Variants in DNAH5 observed in about 807,000 individuals in gnomAD.
DNAH5 encodes the protein axonemal beta dynein heavy chain 5.
In DNAH5, 372 loss-of-function variants were observed where a neutral mutation model predicts 518.2. The observed-to-expected ratio is 0.72, with a 90% confidence interval of 0.66 to 0.78. The LOEUF is 0.78. Among genes scored for constraint, DNAH5 ranks in the 30% least tolerant of loss-of-function variants. The pLI is 0.00. For missense variants in DNAH5, 5,523 were observed against 5,687.0 expected (o/e 0.97, Z 0.93); for synonymous variants, 2,039 against 2,025.9 (o/e 1.01, Z -0.17).
At chr5:13,915,211 T>A (rs6874270) in intron 9 of DNAH5, among the ~76,000 whole-genome samples, 2 of 151,952 alleles carry the variant, frequency 1.3e-5, no homozygotes, top group South Asian at 4.1e-4. Context: ...GCTGTATCCA[T>A]GGAAAGATAT....
intron 46 of DNAH5, 103 bp from the exon 47 acceptor site, chr5:13,807,828 C>T: frequency 3.1e-6 from 3 of 974,770 alleles, no homozygotes. Flanking sequence ...ACCCCTAGTA[C>T]CTTAAAATGT....
intron 3 of DNAH5, among the ~76,000 whole-genome samples, chr5:13,927,423 G>C (rs1043531356): frequency 5.3e-5 from 8 of 152,142 alleles, no homozygotes; most frequent in Admixed American, 6.6e-5. Context: ...CAGGAGAATT[G>C]CTTGAACCCC....
intron 47 of DNAH5, among the ~76,000 whole-genome samples, chr5:13,801,729 G>A (rs1258256531): frequency 1.3e-5 from 2 of 152,006 alleles, no homozygotes; most frequent in African/African-American, 2.4e-5. Flanking sequence ...GGGGTTCCTC[G>A]TCAGTGACTT....
Position 13,820,318 on chromosome 5 carries a change from C to A in DNAH5, c.6841+28G>T, listed in dbSNP as rs375986543. ...GTCACCACTACTTAAATGGGCCACCCCAGGCATTGACCTTGGCTGCCCTGT... is the reference window on the plus strand; with the variant it reads ...GTCACCACTACTTAAATGGGCCACCACAGGCATTGACCTTGGCTGCCCTGT... On this transcript the variant is annotated intron_variant, in intron 41 of 78. Transcript: ENST00000265104. 5.6e-6 allele frequency: 9 copies of A among 1,603,754 alleles called. No homozygotes were observed. In the African/African-American group the frequency reaches 1.1e-4, roughly 19 times the overall value.
chr5:13,985,479 C>T (rs894449895), intron 1 of DNAH5, among the ~76,000 whole-genome samples: 19 of 134,246 alleles, frequency 1.4e-4, no homozygotes, highest in African/African-American at 4.8e-4. Flanking sequence ...AGCAAAGATG[C>T]AGATCCTCCC....
chr5:13,988,083 C>A (rs1045073375), intron 1 of DNAH5, among the ~76,000 whole-genome samples: 1 of 152,080 alleles, frequency 6.6e-6, no homozygotes, highest in African/African-American at 2.4e-5. Context: ...GGGTCGCCTC[C>A]GCTCTTATTT....
chr5:13,823,046 T>C (rs559800921), intron 40 of DNAH5, among the ~76,000 whole-genome samples: 3 of 152,330 alleles, frequency 2.0e-5, no homozygotes, highest in African/African-American at 7.2e-5. Context: ...CGCACATGAC[T>C]AGCTGGACAT....
At chr5:13,931,974 C>T (rs1340929299) in intron 1 of DNAH5, 1 of 152,326 alleles carries the variant, frequency 6.6e-6, no homozygotes, top group Non-Finnish European at 1.5e-5. Flanking sequence ...ATGTACCATA[C>T]TTTATTCAAC....
intron 16 of DNAH5, among the ~76,000 whole-genome samples, chr5:13,893,739 A>G (rs1773555625): frequency 6.6e-6 from 1 of 152,122 alleles, no homozygotes; most frequent in Non-Finnish European, 1.5e-5. Flanking sequence ...GGTCCCAAAT[A>G]TAAATCCAAC....
chr5:13,792,382 G>A (rs1757138272), intron 49 of DNAH5, among the ~76,000 whole-genome samples, 165 bp from the exon 50 acceptor site: 2 of 151,986 alleles, frequency 1.3e-5, no homozygotes, highest in African/African-American at 4.8e-5. Context: ...TTCAAATACA[G>A]TATAACAAAA....
chr5:13,994,848 T>C (rs1783821370), intron 1 of DNAH5, among the ~76,000 whole-genome samples: 1 of 152,230 alleles, frequency 6.6e-6, no homozygotes, highest in African/African-American at 2.4e-5. Context: ...CGTGGCTAGC[T>C]GTTCGCCTGC....
chr5:13,848,388 G>T (rs528611273), intron 31 of DNAH5, among the ~76,000 whole-genome samples: 88 of 152,292 alleles, frequency 5.8e-4, no homozygotes, highest in Non-Finnish European at 3.7e-4. Flanking sequence ...TTGCCACCAG[G>T]GACCAATTTC....
chr5:13,917,039 C>A, intron 8 of DNAH5, 104 bp downstream of exon 8: 1 of 894,696 alleles, frequency 1.1e-6, no homozygotes, highest in Non-Finnish European at 1.8e-6. Flanking sequence ...TTTCTAAGAC[C>A]TTTCCAATGA....
chr5:13,936,482 CTG>C (rs5866076), intron 1 of DNAH5, among the ~76,000 whole-genome samples: 60,571 of 151,926 alleles, frequency 0.4, 13,380 homozygotes, highest in East Asian at 0.7. Context: ...TATACACAAA[CTG>C]TGTATAAACT....
At chr5:13,847,060 G>A (rs539637319) in intron 31 of DNAH5, among the ~76,000 whole-genome samples, 1 of 152,278 alleles carries the variant, frequency 6.6e-6, no homozygotes, top group South Asian at 2.1e-4. Context: ...GAAGGAGGCT[G>A]TGGTGTGTGA....
At chr5:13,886,166 G>A in intron 17 of DNAH5, 37 bp from the exon 18 acceptor site, 1 of 1,542,776 alleles carries the variant, frequency 6.5e-7, no homozygotes, top group African/African-American at 1.4e-5. Flanking sequence ...ATAGCACAGT[G>A]GTATATGGTT....
chr5:13,828,839 G>C (rs537609875), intron 38 of DNAH5, among the ~76,000 whole-genome samples: 3 of 152,270 alleles, frequency 2.0e-5, no homozygotes, highest in African/African-American at 7.2e-5. Context: ...CACAGCCCCA[G>C]CCAATACTTT....
chr5:13,845,162 T>C (rs1314956329), intron 31 of DNAH5, among the ~76,000 whole-genome samples, 169 bp from the exon 32 acceptor site: 1 of 152,206 alleles, frequency 6.6e-6, no homozygotes, highest in Non-Finnish European at 1.5e-5. Flanking sequence ...AAGAATGTTT[T>C]CAAATAACAT....
chr5:13,745,444 C>A (rs1015382208), intron 65 of DNAH5, among the ~76,000 whole-genome samples: 1 of 152,092 alleles, frequency 6.6e-6, no homozygotes, highest in African/African-American at 2.4e-5. Context: ...TGCTTCCTTG[C>A]ATCCATACGC....
Sources: allele counts gnomAD v4.1 joint callset (sites outside exome capture counted in the v4.1 genomes callset), GRCh38; gene constraint gnomAD v4.1.1; transcripts MANE v1.5; gene names NCBI Gene and HGNC (gene_info 2026-07-23, HGNC 2026-07-21).